ADGRV1: variants seen among roughly 807,000 people sequenced by gnomAD.
ADGRV1 encodes the protein adhesion G protein-coupled receptor V1.
In ADGRV1, 359 loss-of-function variants were observed where a neutral mutation model predicts 596.2. That is an observed-to-expected ratio of 0.60 (90% CI 0.55 to 0.66). ADGRV1 has a LOEUF of 0.66. Among genes scored for constraint, ADGRV1 ranks in the 30% least tolerant of loss-of-function variants. The pLI, the probability that ADGRV1 is intolerant of heterozygous loss-of-function variation, is 0.00. For synonymous variants in ADGRV1, 2,681 were observed against 2,679.2 expected, an observed-to-expected ratio of 1.00 and a Z score of -0.02; for missense variants, 7,274 against 7,575.6, an observed-to-expected ratio of 0.96 and a Z score of 1.48.
chr5:90,849,862 A>T (rs1766307655), intron 79 of ADGRV1, among the ~76,000 whole-genome samples: 1 of 152,248 alleles, frequency 6.6e-6, no homozygotes, highest in Admixed American at 6.5e-5. Flanking sequence ...TGCCTTTGTT[A>T]ATAGGTAAAA....
At chr5:90,760,051 G>T (rs1419302116) in intron 58 of ADGRV1, 1 of 154,990 alleles carries the variant, frequency 6.5e-6, no homozygotes, top group Non-Finnish European at 1.4e-5. Flanking sequence ...GAGGCGGGCG[G>T]ATCACGAGGT....
intron 59 of ADGRV1, among the ~76,000 whole-genome samples, chr5:90,772,931 C>T (rs1317349516): frequency 6.6e-6 from 1 of 152,054 alleles, no homozygotes; most frequent in Non-Finnish European, 1.5e-5. Context: ...TTTTGGGAAG[C>T]CAGAGCCTGG....
chr5:90,925,000 T>G (rs1347688121), intron 83 of ADGRV1, among the ~76,000 whole-genome samples: 20 of 150,940 alleles, frequency 1.3e-4, no homozygotes, highest in Admixed American at 1.3e-3. Flanking sequence ...TATCTCTGTT[T>G]TGGTACCAGT....
intron 1 of ADGRV1, among the ~76,000 whole-genome samples, chr5:90,578,879 A>T (rs1409109865): frequency 1.3e-5 from 2 of 151,686 alleles, no homozygotes; most frequent in Non-Finnish European, 2.9e-5. Context: ...TTTCTTCTAG[A>T]TTTTCTAGTT....
chr5:90,692,911 GGTTATTTTAATGTGTTA>G, intron 32 of ADGRV1, 125 bp downstream of exon 32: 1 of 673,814 alleles, frequency 1.5e-6, no homozygotes, highest in Non-Finnish European at 2.4e-6. Context: ...TTATTTTATA[GGTTATTTTAATGTGTTA>G]ACTGAATTAT....
intron 85 of ADGRV1, among the ~76,000 whole-genome samples, chr5:91,065,073 C>T (rs1301151208): frequency 6.6e-6 from 1 of 152,110 alleles, no homozygotes; most frequent in Non-Finnish European, 1.5e-5. Context: ...CTAATAAAAC[C>T]AATAAGCAGA....
chr5:90,683,819 G>A lies in ADGRV1; in HGVS notation c.5898G>A (p.Thr1966=), dbSNP rs754110689. ...SGSLGAHINA[T]LTVLASDDPY... is the part of the protein sequence containing the mutation. ...CTTTGGGAGCTCATATTAATGCCACGTTAACAGTTTTGGCTAGTGATGATC... is the reference window on the plus strand; with the variant it reads ...CTTTGGGAGCTCATATTAATGCCACATTAACAGTTTTGGCTAGTGATGATC... Residue 1966 remains threonine (T), a synonymous_variant, in exon 28 of 90, where the codon ACG becomes ACA. Coordinates refer to ENST00000405460, the MANE Select transcript of ADGRV1 (RefSeq NM_032119.4). 18 of 1,613,642 alleles carry A rather than the reference G, an allele frequency of 1.1e-5. No homozygotes were observed. The highest frequency in any genetic ancestry group is 3.3e-5 in the Admixed American group (2 of 59,958).
At chr5:90,716,423 C>A in intron 42 of ADGRV1, 44 bp from the exon 43 acceptor site, 3 of 1,400,700 alleles carry the variant, frequency 2.1e-6, no homozygotes, top group South Asian at 1.8e-5. Context: ...CATTTATAAC[C>A]TCTTCTATTT....
intron 21 of ADGRV1, among the ~76,000 whole-genome samples, chr5:90,660,966 A>T (rs4916810): frequency 0.15 from 23,049 of 152,130 alleles, 1,957 homozygotes; most frequent in East Asian, 0.35. Context: ...GCAGGTGCTT[A>T]ATAAACTATA....
intron 83 of ADGRV1, among the ~76,000 whole-genome samples, chr5:90,926,336 C>G (rs1448854980): frequency 6.6e-6 from 1 of 151,458 alleles, no homozygotes; most frequent in Non-Finnish European, 1.5e-5. Context: ...TTCAGAGATT[C>G]AACTTCTTCC....
intron 83 of ADGRV1, among the ~76,000 whole-genome samples, chr5:90,923,851 G>C (rs1000207279): frequency 8.8e-5 from 13 of 147,302 alleles, no homozygotes; most frequent in African/African-American, 3.3e-4. Context: ...TCATTGTTCA[G>C]TTCCCAGCTA....
chr5:91,095,041 T>C (rs751487979), intron 86 of ADGRV1, among the ~76,000 whole-genome samples: 6 of 152,158 alleles, frequency 3.9e-5, no homozygotes. Flanking sequence ...TCTTATTATC[T>C]GAATGGGTTT....
chr5:91,142,293 A>G (rs1795161089), intron 87 of ADGRV1, among the ~76,000 whole-genome samples: 1 of 152,192 alleles, frequency 6.6e-6, no homozygotes, highest in Admixed American at 6.5e-5. Flanking sequence ...AATAAATAAA[A>G]CAGTGAACTG....
At chr5:91,111,746 A>G (rs1792385966) in intron 87 of ADGRV1, among the ~76,000 whole-genome samples, 1 of 152,166 alleles carries the variant, frequency 6.6e-6, no homozygotes, top group South Asian at 2.1e-4. Context: ...ACCCTGGAAT[A>G]AACATGTAGA....
In ADGRV1 at chr5:90,704,461, G is replaced by C. The variant is rs542315417; in HGVS notation, c.8359G>C (p.Val2787Leu). The C allele has an allele frequency of 3.2e-6, 5 of 1,573,006 alleles. No homozygotes were observed. In the African/African-American group the frequency reaches 6.7e-5, roughly 21 times the overall value. The change falls in exon 36 of 90, where the codon GTC (valine) becomes CTC (leucine). Residue 2787 changes from valine to leucine, a missense_variant. By Grantham distance (32) the Val-to-Leu change is conservative. This residue lies in a region of ADGRV1 where 3,643 missense variants were observed against 3,809.2 expected (regional missense o/e 0.96). Transcript: ENST00000405460. Reference protein sequence around the residue: ...NIPEEKEVYQVILYDVRTQGV... With the variant: ...NIPEEKEVYQLILYDVRTQGV... ...TCCTGAGGAGAAAGAAGTATACCAA[G>C]TCATTCTGTATGATGTCAGGACACA...
chr5:90,988,612 A>T (rs1780691982), intron 85 of ADGRV1, among the ~76,000 whole-genome samples: 1 of 151,766 alleles, frequency 6.6e-6, no homozygotes, highest in Non-Finnish European at 1.5e-5. Context: ...TGTCTTATAA[A>T]TATCTTTACC....
chr5:90,737,323 T>A (rs1238623437), intron 50 of ADGRV1, among the ~76,000 whole-genome samples: 9 of 152,002 alleles, frequency 5.9e-5, no homozygotes, highest in African/African-American at 2.2e-4. Context: ...TGCTCTTAAA[T>A]TTGTTAAGAC....
chr5:90,628,721 A>C lies in ADGRV1; in HGVS notation c.1398A>C (p.Thr466=), dbSNP rs1019943929. ...TTGCACAAGGGCAGATGTTGGCAAC[A>C]ATTCCTCTTACTGTGGTTGATGATG... is the stretch of plus-strand genomic sequence containing the variant. ...LHFAQGQMLA[T]IPLTVVDDDL... Residue 466 remains threonine, a synonymous_variant, in exon 8 of 90, where the codon ACA becomes ACC. Transcript: ENST00000405460. The C allele has an allele frequency of 3.1e-6, 5 of 1,613,896 alleles. No homozygotes were observed. The highest frequency in any genetic ancestry group is 1.3e-5 in the African/African-American group (1 of 74,928).
intron 87 of ADGRV1, among the ~76,000 whole-genome samples, chr5:91,134,177 C>T (rs372030048): frequency 5.3e-5 from 8 of 151,672 alleles, no homozygotes; most frequent in East Asian, 1.9e-4. Context: ...AAGGAATGAC[C>T]TGCTGTTTCT....
Sources: gnomAD v4.1 joint callset for allele counts (sites outside exome capture counted in the v4.1 genomes callset) on GRCh38, gnomAD v4.1.1 for gene constraint, gnomAD v4.1.1 regional missense constraint, MANE v1.5 for transcripts, NCBI Gene and HGNC (gene_info 2026-07-23, HGNC 2026-07-21) for gene names.